SASH1: variants seen among roughly 807,000 people sequenced by gnomAD.
The protein encoded by SASH1 is SAM and SH3 domain containing 1, also known as SAM and SH3 domain-containing protein 1.
A neutral mutation model predicts 125.2 loss-of-function variants in SASH1; 44 were observed. That is an observed-to-expected ratio of 0.35 (90% CI 0.28 to 0.45). The LOEUF (loss-of-function observed/expected upper bound fraction) is 0.45, where lower values mean the gene tolerates loss of function less well. SASH1 is among the 20% of genes least tolerant of loss of function. SASH1 has a pLI of 1.00. For synonymous variants in SASH1, 639 were observed against 649.1 expected (o/e 0.98, Z 0.24); for missense variants, 1,426 against 1,614.5 (o/e 0.88, Z 2.00).
intron 1 of SASH1, among the ~76,000 whole-genome samples, chr6:148,305,433 G>T (rs924434790): frequency 2.6e-5 from 4 of 152,094 alleles, no homozygotes; most frequent in African/African-American, 9.7e-5. Flanking sequence ...GACCAGCCTG[G>T]TCAATACGGT....
intron 4 of SASH1, among the ~76,000 whole-genome samples, chr6:148,448,198 CT>C (rs2115030549): frequency 6.6e-6 from 1 of 151,994 alleles, no homozygotes; most frequent in East Asian, 1.9e-4. Flanking sequence ...TCCTTGAGCC[CT>C]AGATCTTTTG....
intron 2 of SASH1, among the ~76,000 whole-genome samples, chr6:148,421,207 A>AAGAAAGAAAGAAAGAAAGAC (rs1785083276): frequency 1.4e-5 from 2 of 138,972 alleles, no homozygotes; most frequent in Admixed American, 1.4e-4. Context: ...GAAAGAAAGA[A>AAGAAAGAAAGAAAGAAAGAC]AGAAAGAAAA....
chr6:148,346,041 A>G (rs923509383), intron 1 of SASH1, among the ~76,000 whole-genome samples: 1 of 152,250 alleles, frequency 6.6e-6, no homozygotes, highest in Non-Finnish European at 1.5e-5. Flanking sequence ...TTTCAGACAC[A>G]GTTCTACCTT....
the SASH1 span, among the ~76,000 whole-genome samples, chr6:148,220,516 A>T: frequency 6.6e-6 from 1 of 152,188 alleles, no homozygotes; most frequent in East Asian, 1.9e-4. Context: ...CCATAGCAGT[A>T]CTCATATTAT....
rs572559428 is a variant in SASH1, at chr6:148,276,395, C to T, written n.74+4018C>T. 2.1e-4 allele frequency among the ~76,000 whole-genome samples: 32 copies of T among 152,272 alleles called. 1 individual carries two copies. The South Asian group carries it at 6.6e-3, about 32-fold the overall frequency. ...ACTCTCTCCTTTTGTGACTCACCCC[C>T]TTCAGTTTGAGGCAGCATGTCAGTA... On this transcript the variant is annotated intron_variant and non_coding_transcript_variant, in intron 1 of 3. Transcript: ENST00000367469.
At chr6:148,326,583 A>G (rs901106244) in intron 1 of SASH1, among the ~76,000 whole-genome samples, 13 of 143,186 alleles carry the variant, frequency 9.1e-5, no homozygotes, top group Admixed American at 2.1e-4. Flanking sequence ...TGTATTTTTA[A>G]TAGAGACGGG....
intron 4 of SASH1, among the ~76,000 whole-genome samples, 176 bp from the exon 5 acceptor site, chr6:148,468,369 G>A (rs913647366): frequency 3.9e-5 from 6 of 152,136 alleles, no homozygotes; most frequent in African/African-American, 7.2e-5. Flanking sequence ...AATGGCACAC[G>A]AGTCTATTTC....
At chr6:148,524,121 A>ATATATATATATTTTTTTT (rs1193506716) in intron 10 of SASH1, among the ~76,000 whole-genome samples, 1 of 128,610 alleles carries the variant, frequency 7.8e-6, no homozygotes, top group Non-Finnish European at 1.6e-5. Flanking sequence ...ATATATATAT[A>ATATATATATATTTTTTTT]TTTTTTTTAA....
At chr6:148,422,739 A>G (rs1334343061) in intron 2 of SASH1, among the ~76,000 whole-genome samples, 1 of 150,298 alleles carries the variant, frequency 6.7e-6, no homozygotes, top group Non-Finnish European at 1.5e-5. Context: ...GAACAGAAAC[A>G]TGTCATTTAT....
intron 4 of SASH1, among the ~76,000 whole-genome samples, chr6:148,448,113 A>AGTGTGTGTGTGTGTGT (rs113367122): frequency 1.6e-4 from 21 of 133,292 alleles, no homozygotes; most frequent in African/African-American, 6.3e-4. Flanking sequence ...TGCAGTGGAG[A>AGTGTGTGTGTGTGTGT]GAGTGTGTGT....
intron 1 of SASH1, among the ~76,000 whole-genome samples, chr6:148,378,070 T>G (rs994693568): frequency 2.0e-5 from 3 of 151,182 alleles, no homozygotes; most frequent in African/African-American, 7.3e-5. Context: ...TTTTTTTTTT[T>G]GACGGAGTTT....
chr6:148,546,069 GATC>G lies in SASH1; in HGVS notation c.3405_3407del (p.Asp1135_Gln1136delinsGlu). On this transcript the variant is annotated inframe_deletion, in exon 19 of 20. Coordinates refer to ENST00000367467, the MANE Select transcript of SASH1 (RefSeq NM_015278.5). Reference sequence around the variant, plus strand: ...GGTGCAGAGATACGCAGAGGACTTGGATCAGCCCGAGCGGGACGTCGCCGCCAA... The same window carrying G: ...GGTGCAGAGATACGCAGAGGACTTGGAGCCCGAGCGGGACGTCGCCGCCAA... The G allele has an allele frequency of 6.2e-7, 1 of 1,614,266 alleles. No individual in the cohort carries two copies. The highest frequency in any genetic ancestry group is 8.5e-7 in the Non-Finnish European group (1 of 1,180,052).
upstream of SASH1, among the ~76,000 whole-genome samples, chr6:148,340,599 A>G (rs1012704542): frequency 2.0e-5 from 3 of 152,096 alleles, no homozygotes; most frequent in Non-Finnish European, 2.9e-5. Context: ...ACTTATATTT[A>G]TCTATTTATA....
At chr6:148,520,640 G>A (rs531669389) in intron 10 of SASH1, among the ~76,000 whole-genome samples, 1 of 152,280 alleles carries the variant, frequency 6.6e-6, no homozygotes, top group South Asian at 2.1e-4. Context: ...AATCCAGAGA[G>A]GGGCTTCCAG....
chr6:148,323,344 A>G (rs1780705186), intron 1 of SASH1, among the ~76,000 whole-genome samples: 1 of 152,038 alleles, frequency 6.6e-6, no homozygotes, highest in Non-Finnish European at 1.5e-5. Context: ...AAATAAACAT[A>G]CCTGAGTCCC....
At chr6:148,360,886 C>T (rs1047832573) in intron 1 of SASH1, among the ~76,000 whole-genome samples, 1 of 152,056 alleles carries the variant, frequency 6.6e-6, no homozygotes, top group South Asian at 2.1e-4. Flanking sequence ...AGTCCTAATC[C>T]CTGGTATCTG....
At chr6:148,282,767 G>GAGA (rs10661517) in intron 1 of SASH1, among the ~76,000 whole-genome samples, 136,853 of 151,856 alleles carry the variant, frequency 0.9, 61,800 homozygotes, top group African/African-American at 0.96. Flanking sequence ...ATTAGGAGGA[G>GAGA]AGAAGGAGAA....
At chr6:148,446,085 G>GT (rs1562416326) in intron 4 of SASH1, among the ~76,000 whole-genome samples, 1 of 108,858 alleles carries the variant, frequency 9.2e-6, no homozygotes, top group Non-Finnish European at 1.9e-5. Context: ...ACAACATAGG[G>GT]TTCTTTTTTT....
At chr6:148,536,291 C>CTCTT (rs1198872951) in intron 16 of SASH1, among the ~76,000 whole-genome samples, 5 of 152,166 alleles carry the variant, frequency 3.3e-5, no homozygotes, top group Non-Finnish European at 7.3e-5. Flanking sequence ...AGCTCACTTG[C>CTCTT]TCTTCCTCAG....
Sources: allele counts gnomAD v4.1 joint callset (sites outside exome capture counted in the v4.1 genomes callset), GRCh38; gene constraint gnomAD v4.1.1; transcripts MANE v1.5; gene names NCBI Gene and HGNC (gene_info 2026-07-23, HGNC 2026-07-21).